Variants in LRRC49 observed in about 807,000 individuals in gnomAD.
The protein encoded by LRRC49 is leucine rich repeat containing 49.
LRRC49 carries 50 observed loss-of-function variants against 83.3 expected under a neutral mutation model. That is an observed-to-expected ratio of 0.60 (90% CI 0.48 to 0.76). LRRC49 has a LOEUF of 0.76. LRRC49 is among the 30% of genes least tolerant of loss of function. The pLI is 0.00. For synonymous variants in LRRC49, 286 were observed against 283.3 expected, an observed-to-expected ratio of 1.01 and a Z score of -0.10; for missense variants, 704 against 809.1, an observed-to-expected ratio of 0.87 and a Z score of 1.58.
intron 9 of LRRC49, among the ~76,000 whole-genome samples, chr15:70,967,306 A>G (rs1463809691): frequency 6.6e-6 from 1 of 151,998 alleles, no homozygotes; most frequent in Non-Finnish European, 1.5e-5. Flanking sequence ...AATAGGAGAA[A>G]CCCTTGAAGA....
chr15:71,049,563 A>C lies in LRRC49; in HGVS notation c.2012A>C (p.Lys671Thr), dbSNP rs1567117681. ...GATGCAGTCATAGAAATTCGCAATAAAAATTCCTATATGAAGCTCTGCCTA... is the reference window on the plus strand; with the variant it reads ...GATGCAGTCATAGAAATTCGCAATACAAATTCCTATATGAAGCTCTGCCTA... Reference protein sequence around the residue: ...VRDAVIEIRNKNSYMKLCLQQ... With the variant: ...VRDAVIEIRNTNSYMKLCLQQ... The change falls in exon 16 of 16, where the codon AAA becomes ACA. Residue 671 changes from lysine to threonine, a missense_variant. Around this residue, in one of 3 missense-constraint regions of LRRC49, gnomAD observed 275 missense variants for 338.0 expected, o/e 0.81. Transcript: ENST00000260382. 6.2e-7 allele frequency: 1 copy of C among 1,614,086 alleles called. No homozygotes were observed. Among genetic ancestry groups the C allele is most frequent in the Non-Finnish European group, 8.5e-7 (1 of 1,179,942 alleles).
chr15:71,043,313 C>T (rs565629512), intron 15 of LRRC49, among the ~76,000 whole-genome samples: 2 of 152,250 alleles, frequency 1.3e-5, no homozygotes, highest in East Asian at 3.9e-4. Context: ...TTTCCCAAAC[C>T]ATCTTCATAA....
chr15:70,970,907 C>T (rs2036971646), intron 9 of LRRC49, among the ~76,000 whole-genome samples: 1 of 151,936 alleles, frequency 6.6e-6, no homozygotes, highest in Non-Finnish European at 1.5e-5. Context: ...AGCAGTCTAC[C>T]TATTTTGTTG....
chr15:71,012,739 A>G lies in LRRC49; in HGVS notation c.1594-65A>G, dbSNP rs541348669. ...TTAATTTGGATCTCTCTTTGGGATT[A>G]TATCAGTTTTATTCAGCTAAGAGTT... On this transcript the variant is annotated intron_variant, in intron 13 of 15. Coordinates refer to ENST00000260382, the MANE Select transcript of LRRC49 (RefSeq NM_017691.5). 3.9e-5 allele frequency: 33 copies of G among 845,068 alleles called. No individual in the cohort carries two copies. In the South Asian group the frequency reaches 4.6e-4, roughly 12 times the overall value. The allele number at this position is 845,068 out of a possible 1,614,324, so 52.3% of individuals were successfully genotyped here. A position where few individuals can be genotyped will look rare whatever the true frequency, so the allele number is the denominator to read the frequency against.
chr15:70,906,076 T>C (rs2034294549), intron 5 of LRRC49, among the ~76,000 whole-genome samples: 1 of 149,794 alleles, frequency 6.7e-6, no homozygotes, highest in Non-Finnish European at 1.5e-5. Context: ...GGTCAGAGAG[T>C]GAGCTCCCTC....
chr15:71,016,612 A>G (rs1038592980), intron 14 of LRRC49, among the ~76,000 whole-genome samples: 3 of 152,088 alleles, frequency 2.0e-5, no homozygotes, highest in Admixed American at 2.0e-4. Context: ...GAATTCAACT[A>G]TTACACTTTT....
intron 9 of LRRC49, among the ~76,000 whole-genome samples, chr15:70,972,898 AG>A (rs1369190436): frequency 1.3e-5 from 2 of 151,894 alleles, no homozygotes; most frequent in Non-Finnish European, 1.5e-5. Context: ...ACCTTTTTTC[AG>A]GGTTCTTAGC....
chr15:71,051,102 G>A lies in LRRC49; in HGVS notation c.*1490G>A, dbSNP rs903788987. ...GATCCGCCTGCCTCGGCCTCCCAAA[G>A]TGCTGGGATTACAGGTGTGAGCCAC... On this transcript the variant is annotated 3_prime_UTR_variant, in exon 16 of 16. Transcript: ENST00000260382. 6.6e-6 allele frequency: 1 copy of A among 152,454 alleles called. No homozygotes were observed. Among genetic ancestry groups the A allele is most frequent in the African/African-American group, 2.4e-5 (1 of 41,424 alleles). 9.4% of individuals were successfully genotyped at this position (152,454 alleles called of 1,614,324 possible). A position where few individuals can be genotyped will look rare whatever the true frequency, so the allele number is the denominator to read the frequency against.
At chr15:71,035,814 A>G (rs2039501433) in intron 14 of LRRC49, among the ~76,000 whole-genome samples, 1 of 152,142 alleles carries the variant, frequency 6.6e-6, no homozygotes, top group Non-Finnish European at 1.5e-5. Flanking sequence ...ACATACATGT[A>G]TATGTTATAA....
chr15:70,901,076 G>A (rs371731672), intron 4 of LRRC49, 52 bp downstream of exon 4: 51 of 1,053,300 alleles, frequency 4.8e-5, no homozygotes, highest in Non-Finnish European at 6.0e-5. Flanking sequence ...ATACATAGAC[G>A]TGGTACAAGA....
chr15:70,956,066 G>C (rs549168282), intron 8 of LRRC49, among the ~76,000 whole-genome samples: 23 of 152,190 alleles, frequency 1.5e-4, no homozygotes, highest in Non-Finnish European at 3.2e-4. Context: ...TACCTTGCTG[G>C]TATAAAAGAG....
intron 7 of LRRC49, among the ~76,000 whole-genome samples, chr15:70,927,919 G>A (rs565775753): frequency 5.6e-4 from 85 of 152,210 alleles, no homozygotes; most frequent in African/African-American, 2.0e-3. Context: ...CAGTGTCAGA[G>A]TTTACAGGCA....
intron 1 of LRRC49, among the ~76,000 whole-genome samples, chr15:70,865,097 C>T (rs1165448060): frequency 6.6e-6 from 1 of 152,176 alleles, no homozygotes; most frequent in East Asian, 1.9e-4. Flanking sequence ...GAACTTGGGT[C>T]CTTCAGCAAT....
At chr15:70,963,270 G>A (rs1287825889) in intron 8 of LRRC49, among the ~76,000 whole-genome samples, 4 of 120,620 alleles carry the variant, frequency 3.3e-5, no homozygotes, top group South Asian at 2.7e-4. Flanking sequence ...AGTGAGACCT[G>A]GTCTCAAAAA....
chr15:70,960,256 C>G (rs548410204), intron 8 of LRRC49, among the ~76,000 whole-genome samples: 1 of 152,296 alleles, frequency 6.6e-6, no homozygotes, highest in East Asian at 1.9e-4. Context: ...GAGAGCAACC[C>G]TGCTAGTCTG....
intron 3 of LRRC49, chr15:70,898,343 C>A: frequency 1.5e-6 from 1 of 678,774 alleles, no homozygotes; most frequent in South Asian, 1.6e-5. Flanking sequence ...ATTAATTTGT[C>A]TATTGATTGC....
intron 14 of LRRC49, among the ~76,000 whole-genome samples, chr15:71,014,461 GA>G (rs1016032269): frequency 2.6e-5 from 4 of 151,322 alleles, no homozygotes; most frequent in Non-Finnish European, 4.4e-5. Context: ...AAGCAGGAAG[GA>G]AAAAAAAGCA....
rs1350850600 is a variant in LRRC49 at position 71,010,004 on chromosome 15, A to C, written c.1593+12A>C. The C allele has an allele frequency of 6.7e-7, 1 of 1,497,384 alleles. No homozygotes were observed. Among genetic ancestry groups the C allele is most frequent in the Non-Finnish European group, 9.1e-7 (1 of 1,104,666 alleles). The allele number at this position is 1,497,384 out of a possible 1,614,324, so 92.8% of individuals were successfully genotyped here. On this transcript the variant is annotated intron_variant, in intron 13 of 15. Coordinates refer to ENST00000260382, the MANE Select transcript of LRRC49 (RefSeq NM_017691.5). ...TAAATGGAACAGAGGTAAGCTAAAA[A>C]CTAGATGAACTATAGAATAAAAATA...
chr15:71,048,600 T>G (rs2039926977), intron 15 of LRRC49, among the ~76,000 whole-genome samples: 1 of 152,236 alleles, frequency 6.6e-6, no homozygotes, highest in South Asian at 2.1e-4. Flanking sequence ...CCATGTATAT[T>G]ATACATTCCA....
Sources: allele counts gnomAD v4.1 joint callset (sites outside exome capture counted in the v4.1 genomes callset), GRCh38; gene constraint gnomAD v4.1.1; regional missense constraint gnomAD v4.1.1; transcripts MANE v1.5; gene names NCBI Gene and HGNC (gene_info 2026-07-23, HGNC 2026-07-21).